ROBO2: variants seen among roughly 807,000 people sequenced by gnomAD.
ROBO2 encodes the protein roundabout guidance receptor 2.
Under a neutral mutation model 160.8 loss-of-function variants are expected in ROBO2, and 53 were observed. That is an observed-to-expected ratio of 0.33 (90% confidence interval 0.26 to 0.41). The LOEUF (loss-of-function observed/expected upper bound fraction) is 0.41. Among genes scored for constraint, ROBO2 ranks in the 10% least tolerant of loss-of-function variants. The probability of loss-of-function intolerance (pLI) is 1.00; values close to 1 mark genes in which losing one functional copy is unlikely to be tolerated. For missense variants in ROBO2, 1,577 were observed against 1,722.4 expected (o/e 0.92, Z 1.49); for synonymous variants, 664 against 611.7 (o/e 1.09, Z -1.26).
intron 2 of ROBO2, among the ~76,000 whole-genome samples, chr3:76,190,379 A>C (rs548343919): frequency 1.8e-3 from 278 of 152,236 alleles, no homozygotes; most frequent in African/African-American, 6.1e-3. Context: ...TGCCTTCCAC[A>C]GTTGGTAGCA....
intron 16 of ROBO2, among the ~76,000 whole-genome samples, chr3:77,584,724 C>T (rs1158299297): frequency 6.6e-6 from 1 of 151,730 alleles, no homozygotes; most frequent in African/African-American, 2.4e-5. Context: ...AATTCCTTAA[C>T]CTGAGGGAAA....
At chr3:77,384,909 A>G (rs1338934293) in intron 2 of ROBO2, among the ~76,000 whole-genome samples, 1 of 152,188 alleles carries the variant, frequency 6.6e-6, no homozygotes. Context: ...AAAGCTGTTG[A>G]GTTCATTGAA....
intron 2 of ROBO2, among the ~76,000 whole-genome samples, chr3:76,622,164 CA>C (rs2089143873): frequency 6.9e-6 from 1 of 145,122 alleles, no homozygotes; most frequent in African/African-American, 2.6e-5. Context: ...GACAACATAG[CA>C]AGACCTCATA....
intron 2 of ROBO2, among the ~76,000 whole-genome samples, chr3:76,049,039 T>G (rs2067553130): frequency 6.6e-6 from 1 of 151,908 alleles, no homozygotes; most frequent in Non-Finnish European, 1.5e-5. Flanking sequence ...TAAAGAAGAA[T>G]TAAAAACCAC....
rs1158987632 is a variant in ROBO2, at chr3:76,934,919, CTG to C, written c.110-163093_110-163092del. Among the ~76,000 whole-genome samples, 4 of 150,840 alleles carry C rather than the reference CTG, an allele frequency of 2.7e-5. No homozygotes were observed. In the East Asian group the frequency reaches 7.8e-4, roughly 29 times the overall value. The stretch of plus-strand genomic sequence containing the variant: ...TTTGGCTATTACTGTGACTTTTAAA[CTG>C]TTTTTACTTTATTTTGAAATAATTT... On this transcript the variant is annotated intron_variant, in intron 2 of 26. Coordinates refer to the ROBO2 transcript ENST00000487694.
intron 9 of ROBO2, among the ~76,000 whole-genome samples, chr3:77,558,677 T>C (rs1346233152): frequency 2.6e-5 from 4 of 152,010 alleles, no homozygotes; most frequent in African/African-American, 9.7e-5. Context: ...GAACAAGGCA[T>C]TGGTGGTTTT....
chr3:76,152,390 G>T (rs913383897), intron 2 of ROBO2, among the ~76,000 whole-genome samples: 8 of 152,110 alleles, frequency 5.3e-5, no homozygotes, highest in African/African-American at 1.9e-4. Flanking sequence ...TCAATCAAAA[G>T]ATTGATGGAG....
intron 2 of ROBO2, among the ~76,000 whole-genome samples, chr3:77,360,623 CTT>C (rs145454749): frequency 2.8e-5 from 4 of 143,442 alleles, no homozygotes; most frequent in Non-Finnish European, 1.5e-5. Context: ...TTCCAGTTGA[CTT>C]TTTTTTTTTT....
chr3:76,446,079 A>G (rs2077166286), intron 2 of ROBO2, among the ~76,000 whole-genome samples: 2 of 152,180 alleles, frequency 1.3e-5, no homozygotes, highest in Non-Finnish European at 2.9e-5. Context: ...GTATTCAATT[A>G]GGAAAAGAGG....
intron 10 of ROBO2, 57 bp from the exon 12 acceptor site, chr3:77,563,110 G>A (rs2093377720): frequency 4.5e-6 from 7 of 1,542,582 alleles, no homozygotes; most frequent in Middle Eastern, 2.2e-4. Flanking sequence ...CTTCTTTTAG[G>A]CAGTATTGTC....
intron 2 of ROBO2, among the ~76,000 whole-genome samples, chr3:76,359,017 G>A (rs2324544): frequency 4.1e-5 from 6 of 146,768 alleles, no homozygotes; most frequent in African/African-American, 1.3e-4. Context: ...GTGAGAACAC[G>A]CGGTGTTTGG....
chr3:76,031,561 T>G (rs2066920194), intron 2 of ROBO2, among the ~76,000 whole-genome samples: 1 of 152,170 alleles, frequency 6.6e-6, no homozygotes, highest in African/African-American at 2.4e-5. Flanking sequence ...TATTAAGAGT[T>G]TTTAGCATGA....
chr3:77,328,364 A>G (rs979397113), intron 2 of ROBO2, among the ~76,000 whole-genome samples: 1 of 152,212 alleles, frequency 6.6e-6, no homozygotes, highest in Non-Finnish European at 1.5e-5. Context: ...CACAGAACAC[A>G]GTTTGCTATG....
intron 2 of ROBO2, among the ~76,000 whole-genome samples, chr3:77,389,657 T>C (rs1168163052): frequency 3.3e-5 from 5 of 152,102 alleles, no homozygotes. Context: ...CCTTTTTCCT[T>C]CCTCCCTTCT....
chr3:77,365,747 T>C (rs979213135), intron 2 of ROBO2, among the ~76,000 whole-genome samples: 2 of 124,064 alleles, frequency 1.6e-5, no homozygotes, highest in Non-Finnish European at 3.6e-5. Context: ...TTTGTGCTGA[T>C]AAGAGGACCT....
chr3:77,424,439 T>G (rs2077994475), intron 2 of ROBO2, among the ~76,000 whole-genome samples: 1 of 152,222 alleles, frequency 6.6e-6, no homozygotes, highest in Non-Finnish European at 1.5e-5. Context: ...GGCTTTCTTA[T>G]TTTGATATAA....
chr3:77,188,991 GAGAA>G (rs2081558403), intron 2 of ROBO2, among the ~76,000 whole-genome samples: 1 of 150,748 alleles, frequency 6.6e-6, no homozygotes, highest in Non-Finnish European at 1.5e-5. Flanking sequence ...GAGAGAGAGA[GAGAA>G]AGAGAGAGAC....
chr3:76,533,592 T>C (rs1452239560), intron 2 of ROBO2, among the ~76,000 whole-genome samples: 7 of 152,176 alleles, frequency 4.6e-5, no homozygotes, highest in African/African-American at 1.7e-4. Context: ...CGAGTCCGTA[T>C]AGAAGACCAC....
rs778765026 is a variant in ROBO2, at chr3:76,493,855, TTTTA to T, written c.109+556257_109+556260del. ...ATAACAGAAAGTAATTTTTTATTCC[TTTTA>T]TTTGTTTTTAATTAAAAGCTTGATT... On this transcript the variant is annotated intron_variant, in intron 2 of 26. Transcript: ENST00000487694. Among the ~76,000 whole-genome samples the T allele has an allele frequency of 5.3e-5, 8 of 152,302 alleles. No homozygotes were observed. The East Asian group carries it at 5.8e-4, about 11-fold the overall frequency.
Sources: allele counts gnomAD v4.1 joint callset (sites outside exome capture counted in the v4.1 genomes callset), GRCh38; gene constraint gnomAD v4.1.1; transcripts MANE v1.5; gene names NCBI Gene and HGNC (gene_info 2026-07-23, HGNC 2026-07-21).